The following NAA16 variants were observed in gnomAD, a reference collection of about 807,000 sequenced individuals.
NAA16 encodes NARG1-like protein.
NAA16 carries 97 observed loss-of-function variants against 110.3 expected under a neutral mutation model. The ratio of observed to expected loss-of-function variants is 0.88; its 90% CI spans 0.75 to 1.04. The LOEUF (loss-of-function observed/expected upper bound fraction) is 1.04, where lower values mean the gene tolerates loss of function less well. Among genes scored for constraint, NAA16 ranks in the 50% least tolerant of loss-of-function variants. The pLI, the probability that NAA16 is intolerant of heterozygous loss-of-function variation, is 0.00. For synonymous variants in NAA16, 372 were observed against 330.6 expected, an observed-to-expected ratio of 1.13 and a Z score of -1.36; for missense variants, 1,017 against 1,005.1, an observed-to-expected ratio of 1.01 and a Z score of -0.16.
intron 6 of NAA16, chr13:41,327,889 A>C (rs953426394): frequency 1.3e-5 from 2 of 151,938 alleles, no homozygotes; most frequent in Non-Finnish European, 2.9e-5. Context: ...TGAGTGATAT[A>C]TGATATAAAA....
intron 9 of NAA16, among the ~76,000 whole-genome samples, chr13:41,346,605 A>T: frequency 6.6e-6 from 1 of 152,004 alleles, no homozygotes; most frequent in Non-Finnish European, 1.5e-5. Context: ...ATTTTGGCAT[A>T]CTTTAGACTG....
chr13:41,340,647 GTTTTTTTTTTTTTTTTTTTTTTTT>G (rs754237653), intron 9 of NAA16, among the ~76,000 whole-genome samples: 6 of 43,598 alleles, frequency 1.4e-4, no homozygotes, highest in Middle Eastern at 0.014. Context: ...TTTTGAGTGA[GTTTTTTTTTTTTTTTTTTTTTTTT>G]TTTTTTTTTT....
In NAA16 at chr13:41,369,279, A is replaced by G; in HGVS notation, c.1943A>G (p.Glu648Gly). The G allele has an allele frequency of 6.4e-7, 1 of 1,564,200 alleles. No homozygotes were observed. The highest frequency in any genetic ancestry group is 8.6e-7 in the Non-Finnish European group (1 of 1,165,820). The stretch of plus-strand genomic sequence containing the variant: ...GAAGAACTTATACCTGAAAAATTAG[A>G]AAGGGTGAGATGGGTTTTACTATCT... ...LKEELIPEKLERVENPLEEAV... is the reference protein window; with the variant it reads ...LKEELIPEKLGRVENPLEEAV... The change falls in exon 15 of 20, where the codon GAA becomes GGA. Residue 648 changes from glutamate (E) to glycine (G), a missense_variant. Transcript: ENST00000379406.
intron 1 of NAA16, among the ~76,000 whole-genome samples, chr13:41,314,311 T>A (rs964958609): frequency 2.6e-5 from 4 of 152,222 alleles, no homozygotes; most frequent in African/African-American, 9.6e-5. Flanking sequence ...TCAGAAAAAC[T>A]AGTATTTCTA....
At position 41,376,722 on chromosome 13, in the gene NAA16, T is replaced by C. The variant is rs936314888; in HGVS notation, c.*1120T>C. 6.6e-6 allele frequency: 1 copy of C among 152,240 alleles called. No homozygotes were observed. The allele number at this position is 152,240 out of a possible 1,614,324, so 9.4% of individuals were successfully genotyped here. Reference sequence around the variant, plus strand: ...TCGGCAAAATGAGATTTGAAACTCATTAGTTTAACTCTTAAAACATAGTGT... The same window carrying C: ...TCGGCAAAATGAGATTTGAAACTCACTAGTTTAACTCTTAAAACATAGTGT... On this transcript the variant is annotated 3_prime_UTR_variant, in exon 20 of 20. Transcript: ENST00000379406.
At chr13:41,354,983 T>A (rs1192425129) in intron 9 of NAA16, among the ~76,000 whole-genome samples, 161 bp from the exon 10 acceptor site, 1 of 140,874 alleles carries the variant, frequency 7.1e-6, no homozygotes, top group Non-Finnish European at 1.5e-5. Flanking sequence ...AGCGGGGAAA[T>A]ACTCATGTTA....
chr13:41,323,902 C>T (rs768957469), intron 5 of NAA16, among the ~76,000 whole-genome samples: 1 of 152,118 alleles, frequency 6.6e-6, no homozygotes, highest in Non-Finnish European at 1.5e-5. Flanking sequence ...TTTTCCACTC[C>T]TCTGTTTATC....
At chr13:41,320,633 G>A in intron 3 of NAA16, 34 bp from the exon 4 acceptor site, 1 of 1,538,788 alleles carries the variant, frequency 6.5e-7, no homozygotes, top group Non-Finnish European at 8.8e-7. Context: ...ATATTCTAGT[G>A]TCTGTGTATG....
chr13:41,357,895 G>A (rs899286951), intron 10 of NAA16, among the ~76,000 whole-genome samples: 9 of 152,290 alleles, frequency 5.9e-5, no homozygotes, highest in African/African-American at 2.2e-4. Context: ...CTGGAAAATG[G>A]TAAGCCATGG....
chr13:41,340,515 C>T (rs956706332), intron 9 of NAA16, among the ~76,000 whole-genome samples: 4 of 151,888 alleles, frequency 2.6e-5, no homozygotes, highest in African/African-American at 4.8e-5. Flanking sequence ...TCCCAGAGAT[C>T]GTGGTATGTT....
At chr13:41,352,974 G>A (rs551161789) in intron 9 of NAA16, among the ~76,000 whole-genome samples, 14 of 152,026 alleles carry the variant, frequency 9.2e-5, no homozygotes, top group African/African-American at 3.1e-4. Flanking sequence ...AAAATTAGCC[G>A]GGTGTGGTGG....
chr13:41,376,510 A>G lies in NAA16; in HGVS notation c.*908A>G, dbSNP rs2043429368. ...AAATTCACTGGTAAAATTGTTGAAT[A>G]TTTCTCTCTCCCAGTCTTAAAAGCC... is the stretch of plus-strand genomic sequence containing the variant. On this transcript the variant is annotated 3_prime_UTR_variant, in exon 20 of 20. Transcript: ENST00000379406. 6.6e-6 allele frequency: 1 copy of G among 152,098 alleles called. No individual in the cohort carries two copies. The highest frequency in any genetic ancestry group is 6.5e-5 in the Admixed American group (1 of 15,270). 9.4% of individuals were successfully genotyped at this position (152,098 alleles called of 1,614,324 possible). A position where few individuals can be genotyped will look rare whatever the true frequency, so the allele number is the denominator to read the frequency against.
chr13:41,353,799 A>C (rs1423734864), intron 9 of NAA16, among the ~76,000 whole-genome samples: 1 of 136,084 alleles, frequency 7.3e-6, no homozygotes, highest in Non-Finnish European at 1.6e-5. Context: ...ACACACACAC[A>C]CACCCCAAAA....
chr13:41,311,560 G>C lies in NAA16; in HGVS notation c.32G>C (p.Ser11Thr). The C allele has an allele frequency of 6.2e-7, 1 of 1,608,736 alleles. No homozygotes were observed. Among genetic ancestry groups the C allele is most frequent in the Non-Finnish European group, 8.5e-7 (1 of 1,177,888 alleles). Reference sequence around the variant, plus strand: ...AACGTGCTGCTGCCGCCCAAGGAGAGCAACCTCTTCAAACGCATCTTGGTG... The same window carrying C: ...AACGTGCTGCTGCCGCCCAAGGAGACCAACCTCTTCAAACGCATCTTGGTG... MPNVLLPPKE[S>T]NLFKRILKCY... is the part of the protein sequence containing the mutation. Residue 11 changes from serine to threonine, a missense_variant, in exon 1 of 20, where the codon AGC becomes ACC. Coordinates refer to ENST00000379406, the MANE Select transcript of NAA16 (RefSeq NM_024561.5).
intron 9 of NAA16, among the ~76,000 whole-genome samples, chr13:41,340,528 G>A (rs1007312254): frequency 2.0e-5 from 3 of 150,414 alleles, no homozygotes; most frequent in East Asian, 2.0e-4. Flanking sequence ...GGTATGTTTT[G>A]TCTTTGTTCT....
At position 41,372,838 on chromosome 13, in the gene NAA16, T is replaced by C; in HGVS notation, c.2155+8T>C. On this transcript the variant is annotated splice_region_variant and intron_variant, in intron 17 of 19. Transcript: ENST00000379406. ...TTAGATTTTCTAAATCTGGTAAGTA[T>C]AAAAAAGGACCATATTTACATTTGT... The C allele has an allele frequency of 1.3e-6, 2 of 1,537,964 alleles. No homozygotes were observed. Among genetic ancestry groups the C allele is most frequent in the South Asian group, 2.5e-5 (2 of 79,792 alleles).
At chr13:41,320,645 C>CT in intron 3 of NAA16, 22 bp from the exon 4 acceptor site, 1 of 1,573,894 alleles carries the variant, frequency 6.4e-7, no homozygotes, top group South Asian at 1.2e-5. Flanking sequence ...CTGTGTATGT[C>CT]TTTGTTTCCT....
intron 9 of NAA16, among the ~76,000 whole-genome samples, chr13:41,338,738 T>C (rs2042449365): frequency 1.3e-5 from 2 of 152,190 alleles, no homozygotes; most frequent in African/African-American, 2.4e-5. Context: ...TTTGTAAGTT[T>C]TGTGTTTGAC....
intron 9 of NAA16, among the ~76,000 whole-genome samples, chr13:41,353,801 A>T (rs868390928): frequency 7.6e-6 from 1 of 131,030 alleles, no homozygotes. Flanking sequence ...ACACACACAC[A>T]CCCCAAAACA....
Sources: gnomAD v4.1 joint callset for allele counts (sites outside exome capture counted in the v4.1 genomes callset) on GRCh38, gnomAD v4.1.1 for gene constraint, MANE v1.5 for transcripts, NCBI Gene and HGNC (gene_info 2026-07-23, HGNC 2026-07-21) for gene names.